Variants in HSPA12A observed in about 807,000 individuals in gnomAD.
HSPA12A encodes the protein heat shock 70 kDa protein 12A.
A neutral mutation model predicts 69.2 loss-of-function variants in HSPA12A; 28 were observed. The observed-to-expected ratio is 0.40, with a 90% CI of 0.30 to 0.55. HSPA12A has a LOEUF of 0.55. Ranked by LOEUF, HSPA12A falls within the 20% of genes least tolerant of loss-of-function variation. The probability of loss-of-function intolerance (pLI) is 0.38; values close to 1 mark genes in which losing one functional copy is unlikely to be tolerated. For missense variants in HSPA12A, 686 were observed against 900.7 expected, an observed-to-expected ratio of 0.76 and a Z score of 3.05; for synonymous variants, 345 against 370.5, an observed-to-expected ratio of 0.93 and a Z score of 0.79.
At chr10:116,700,785 G>T (rs1173546933) in intron 4 of HSPA12A, among the ~76,000 whole-genome samples, 158 bp downstream of exon 4, 1 of 152,136 alleles carries the variant, frequency 6.6e-6, no homozygotes, top group Non-Finnish European at 1.5e-5. Flanking sequence ...GTGTGCTCCA[G>T]GTTGTGTCTA....
chr10:116,779,820 G>T (rs938772123), intron 2 of HSPA12A, among the ~76,000 whole-genome samples: 4 of 152,040 alleles, frequency 2.6e-5, no homozygotes, highest in Admixed American at 6.5e-5. Context: ...GAGCTAGCAG[G>T]GGGGACGGGA....
chr10:116,760,250 T>C (rs1161519525), intron 2 of HSPA12A, among the ~76,000 whole-genome samples: 1 of 152,142 alleles, frequency 6.6e-6, no homozygotes, highest in Non-Finnish European at 1.5e-5. Context: ...TTCTTTTTTA[T>C]AGCTTCAATA....
At chr10:116,810,146 T>C (rs150217843) in intron 2 of HSPA12A, among the ~76,000 whole-genome samples, 318 of 152,242 alleles carry the variant, frequency 2.1e-3, no homozygotes, top group African/African-American at 6.7e-3. Context: ...TCTTCTTTTG[T>C]TTTGTTTTCC....
chr10:116,674,686 T>C lies in HSPA12A; in HGVS notation c.*95A>G. The C allele has an allele frequency of 1.6e-6, 2 of 1,248,644 alleles. No homozygotes were observed. The highest frequency in any genetic ancestry group is 2.2e-6 in the Non-Finnish European group (2 of 892,832). The allele number at this position is 1,248,644 out of a possible 1,614,324, so 77.3% of individuals were successfully genotyped here. ...TCCCTGCTGAAATTCACATGGGCAA[T>C]GGTGAGGGTCAAGGTTAGGGAAAGA... On this transcript the variant is annotated 3_prime_UTR_variant, in exon 12 of 12. Coordinates refer to ENST00000369209, the MANE Select transcript of HSPA12A (RefSeq NM_025015.3).
chr10:116,735,250 G>T (rs1851279093), intron 1 of HSPA12A, among the ~76,000 whole-genome samples: 1 of 152,224 alleles, frequency 6.6e-6, no homozygotes, highest in Non-Finnish European at 1.5e-5. Flanking sequence ...AAAGTTTGTA[G>T]TTTCAACATT....
In HSPA12A at chr10:116,671,192, T is replaced by A. The variant is rs1554876538; in HGVS notation, c.*3589A>T. 6.6e-6 allele frequency: 1 copy of A among 152,170 alleles called. No individual in the cohort carries two copies. The highest frequency in any genetic ancestry group is 2.4e-5 in the African/African-American group (1 of 41,446). 9.4% of individuals were successfully genotyped at this position (152,170 alleles called of 1,614,324 possible). A position where few individuals can be genotyped will look rare whatever the true frequency, so the allele number is the denominator to read the frequency against. The stretch of plus-strand genomic sequence containing the variant: ...GGGGGGAAAAAAAATCTGGGCCACA[T>A]GAGATTCAGAGTTTTGCTTTATTAG... On this transcript the variant is annotated 3_prime_UTR_variant, in exon 12 of 12. Transcript: ENST00000369209.
intron 2 of HSPA12A, among the ~76,000 whole-genome samples, chr10:116,781,763 G>C (rs1185646760): frequency 6.6e-6 from 1 of 152,132 alleles, no homozygotes; most frequent in South Asian, 2.1e-4. Flanking sequence ...GTCTGCTGTG[G>C]GCTCTGCCTT....
intron 2 of HSPA12A, among the ~76,000 whole-genome samples, chr10:116,747,606 A>G (rs2133080651): frequency 6.6e-6 from 1 of 152,344 alleles, no homozygotes; most frequent in East Asian, 1.9e-4. Flanking sequence ...TGTTATGGAG[A>G]AAAACAACTT....
At chr10:116,692,689 G>A (rs1849771203) in intron 5 of HSPA12A, among the ~76,000 whole-genome samples, 1 of 152,156 alleles carries the variant, frequency 6.6e-6, no homozygotes, top group South Asian at 2.1e-4. Context: ...ACCGTGGGCT[G>A]GAGAAAGGAG....
chr10:116,742,700 C>A, upstream of HSPA12A: 1 of 715,094 alleles, frequency 1.4e-6, no homozygotes, highest in Non-Finnish European at 1.7e-6. Context: ...TCGGGGAAGG[C>A]GGGCGCGGGG....
chr10:116,692,511 G>A (rs1350301225), intron 5 of HSPA12A, 44 bp from the exon 6 acceptor site: 1 of 1,485,388 alleles, frequency 6.7e-7, no homozygotes, highest in Non-Finnish European at 9.4e-7. Flanking sequence ...GTGGCAGCTG[G>A]TTCCTGGAGC....
chr10:116,779,951 G>T (rs1390805856), intron 2 of HSPA12A, among the ~76,000 whole-genome samples: 3 of 152,128 alleles, frequency 2.0e-5, no homozygotes, highest in African/African-American at 4.8e-5. Flanking sequence ...ACAAGGGCTG[G>T]CCGGCCCTGA....
chr10:116,823,115 A>G (rs938839464), intron 2 of HSPA12A, among the ~76,000 whole-genome samples: 1 of 152,238 alleles, frequency 6.6e-6, no homozygotes, highest in Non-Finnish European at 1.5e-5. Context: ...CACTGTCTTC[A>G]GTGCTAATCT....
chr10:116,742,574 C>T (rs1360091391), upstream of HSPA12A: 11 of 1,142,136 alleles, frequency 9.6e-6, no homozygotes, highest in Non-Finnish European at 1.2e-5. Context: ...TCTGAGCCGC[C>T]GGGCAGCGGG....
chr10:116,830,419 ATTG>A (rs1845592745), intron 2 of HSPA12A: 1 of 152,226 alleles, frequency 6.6e-6, no homozygotes, highest in African/African-American at 2.4e-5. Context: ...ATATATACAT[ATTG>A]TTAATTTATA....
At chr10:116,776,913 G>C (rs1589699724) in intron 2 of HSPA12A, among the ~76,000 whole-genome samples, 1 of 152,210 alleles carries the variant, frequency 6.6e-6, no homozygotes, top group Non-Finnish European at 1.5e-5. Context: ...CAGGAATCTG[G>C]ACTAGGTTCG....
intron 3 of HSPA12A, among the ~76,000 whole-genome samples, chr10:116,702,617 C>A (rs925319473): frequency 6.6e-6 from 1 of 152,190 alleles, no homozygotes; most frequent in Non-Finnish European, 1.5e-5. Flanking sequence ...GGCCCCGATG[C>A]CAGGCAGCTG....
chr10:116,734,449 A>T (rs1252648144), intron 1 of HSPA12A, among the ~76,000 whole-genome samples: 3 of 76,326 alleles, frequency 3.9e-5, no homozygotes, highest in Admixed American at 1.4e-4. Context: ...GACTCTGTCT[A>T]AAAAAAAAAA....
chr10:116,691,503 CACACAACCCA>C (rs1849737943), intron 6 of HSPA12A, among the ~76,000 whole-genome samples: 3 of 152,132 alleles, frequency 2.0e-5, no homozygotes, highest in Admixed American at 1.3e-4. Context: ...GGTGACTTGC[CACACAACCCA>C]GCCTCAGCTG....
Sources: gnomAD v4.1 joint callset for allele counts (sites outside exome capture counted in the v4.1 genomes callset) on GRCh38, gnomAD v4.1.1 for gene constraint, MANE v1.5 for transcripts, NCBI Gene and HGNC (gene_info 2026-07-23, HGNC 2026-07-21) for gene names.